The following ROCK1 variants were observed in gnomAD, a reference collection of about 807,000 sequenced individuals.
ROCK1 encodes the protein Rho associated coiled-coil containing protein kinase 1, also known as rho-associated protein kinase 1.
In ROCK1, 36 loss-of-function variants were observed where a neutral mutation model predicts 196.8. The observed-to-expected ratio is 0.18, with a 90% confidence interval of 0.14 to 0.24. The LOEUF is 0.24. ROCK1 is among the 10% of genes least tolerant of loss of function. The pLI is 1.00. For missense variants in ROCK1, 920 were observed against 1,562.0 expected (o/e 0.59, Z 6.93); for synonymous variants, 443 against 515.9 (o/e 0.86, Z 1.91).
chr18:21,036,163 T>C (rs2036055048), intron 9 of ROCK1, among the ~76,000 whole-genome samples: 1 of 152,254 alleles, frequency 6.6e-6, no homozygotes, highest in Admixed American at 6.5e-5. Context: ...TGAAACTTGC[T>C]AGGCCTTCAG....
chr18:20,986,807 C>T (rs2035582091), intron 19 of ROCK1, 143 bp downstream of exon 19: 2 of 681,084 alleles, frequency 2.9e-6, no homozygotes, highest in Non-Finnish European at 4.7e-6. Flanking sequence ...GCTGGGGTGA[C>T]CATACAGCAG....
At chr18:21,099,501 T>G (rs1481524875) in intron 1 of ROCK1, among the ~76,000 whole-genome samples, 1 of 152,068 alleles carries the variant, frequency 6.6e-6, no homozygotes, top group Admixed American at 6.6e-5. Flanking sequence ...CCCAACACTT[T>G]GGGGGGTTGT....
At chr18:20,992,981 A>C in intron 16 of ROCK1, 44 bp from the exon 17 acceptor site, 2 of 1,219,746 alleles carry the variant, frequency 1.6e-6, no homozygotes, top group Non-Finnish European at 2.4e-6. Flanking sequence ...CATTGAAAGA[A>C]GTCTTTTTGT....
Position 20,971,665 on chromosome 18 carries a change from AAAATAAATAAATAAATAAATAAAT to A in ROCK1, c.2655-1176_2655-1153del, listed in dbSNP as rs56208525. Among the ~76,000 whole-genome samples, 543 of 137,782 alleles carry A rather than the reference AAAATAAATAAATAAATAAATAAAT, an allele frequency of 3.9e-3. 5 individuals are homozygous for A. The highest frequency in any genetic ancestry group is 9.2e-3 in the South Asian group (37 of 4,026). 90.4% of individuals were successfully genotyped at this position (137,782 alleles called of 152,430 possible). ...GGTGACAGTGCAAGACTCCGTCTCA[AAAATAAATAAATAAATAAATAAAT>A]AAATAAATAAATAAATAAATAAATA... On this transcript the variant is annotated intron_variant, in intron 22 of 32. Transcript: ENST00000399799.
chr18:20,973,478 G>C (rs564717340), intron 22 of ROCK1, among the ~76,000 whole-genome samples: 2 of 151,304 alleles, frequency 1.3e-5, no homozygotes, highest in Non-Finnish European at 2.9e-5. Context: ...GGGTTTCACC[G>C]TGTTAGCCAG....
At chr18:21,025,535 G>A (rs1348431252) in intron 10 of ROCK1, among the ~76,000 whole-genome samples, 2 of 151,982 alleles carry the variant, frequency 1.3e-5, no homozygotes, top group East Asian at 1.9e-4. Flanking sequence ...GACCAGCCTG[G>A]CCAACAGCCT....
At chr18:21,080,778 G>A (rs1268322763) in intron 1 of ROCK1, among the ~76,000 whole-genome samples, 2 of 152,000 alleles carry the variant, frequency 1.3e-5, no homozygotes, top group Non-Finnish European at 2.9e-5. Context: ...TGATAAAAGA[G>A]TTAATTCACC....
intron 2 of ROCK1, among the ~76,000 whole-genome samples, chr18:21,053,897 C>T (rs2036225578): frequency 6.6e-6 from 1 of 152,122 alleles, no homozygotes; most frequent in Non-Finnish European, 1.5e-5. Context: ...TGCGTATGTA[C>T]TGGTAATAGA....
In ROCK1 at chr18:20,947,335, AGACT is replaced by A. The variant is rs1386122883; in HGVS notation, c.*4045_*4048del. 1 of 152,096 alleles carries A rather than the reference AGACT, an allele frequency of 6.6e-6. No homozygotes were observed. The highest frequency in any genetic ancestry group is 1.9e-4 in the East Asian group (1 of 5,192). 9.4% of individuals were successfully genotyped at this position (152,096 alleles called of 1,614,324 possible). ...GGGTGGGGTGGGGTTTAGGAAGTGC[AGACT>A]GACTTTCTACTAGAATATTCTTTGC... On this transcript the variant is annotated 3_prime_UTR_variant, in exon 33 of 33. Transcript: ENST00000399799.
At chr18:20,972,406 T>C (rs2035437783) in intron 22 of ROCK1, among the ~76,000 whole-genome samples, 1 of 152,102 alleles carries the variant, frequency 6.6e-6, no homozygotes, top group South Asian at 2.1e-4. Flanking sequence ...AGATGTCAAT[T>C]AGACAGCTGG....
chr18:21,072,319 A>C (rs2143553863), intron 1 of ROCK1, among the ~76,000 whole-genome samples: 1 of 152,280 alleles, frequency 6.6e-6, no homozygotes, highest in East Asian at 1.9e-4. Flanking sequence ...CCATAAGCAA[A>C]ACTTGTGTGC....
chr18:20,954,249 TTTTG>T (rs1379304657), intron 31 of ROCK1, among the ~76,000 whole-genome samples: 5 of 141,040 alleles, frequency 3.5e-5, no homozygotes, highest in African/African-American at 8.0e-5. Flanking sequence ...GTTTGTTTGT[TTTTG>T]TTTGTTTACA....
At position 21,108,634 on chromosome 18, in the gene ROCK1, CT is replaced by C. The variant is rs2143612416; in HGVS notation, c.93+2183del. On this transcript the variant is annotated intron_variant, in intron 1 of 32. Coordinates refer to ENST00000399799, the MANE Select transcript of ROCK1 (RefSeq NM_005406.3). ...AGAGTCATCTGACTATTGCCTCTCTCTTTGGTTCCCCATCTTTTCCCTGCCA... is the reference window on the plus strand; with the variant it reads ...AGAGTCATCTGACTATTGCCTCTCTCTTGGTTCCCCATCTTTTCCCTGCCA... Among the ~76,000 whole-genome samples the C allele has an allele frequency of 1.3e-5, 2 of 152,328 alleles. 1 individual carries two copies. Among genetic ancestry groups the C allele is most frequent in the South Asian group, 4.1e-4 (2 of 4,824 alleles).
chr18:21,099,258 A>T (rs1015164833), intron 1 of ROCK1, among the ~76,000 whole-genome samples: 18 of 152,160 alleles, frequency 1.2e-4, no homozygotes, highest in Non-Finnish European at 2.2e-4. Context: ...GAAAGTGATT[A>T]AAAAAGAATA....
At chr18:20,996,531 A>C (rs186168084) in intron 16 of ROCK1, among the ~76,000 whole-genome samples, 1 of 152,124 alleles carries the variant, frequency 6.6e-6, no homozygotes, top group Non-Finnish European at 1.5e-5. Context: ...AACTTCCCAA[A>C]TCTAGAAAAA....
intron 8 of ROCK1, among the ~76,000 whole-genome samples, chr18:21,041,270 T>TAAAAAA (rs780115669): frequency 9.5e-6 from 1 of 105,162 alleles, no homozygotes; most frequent in East Asian, 2.6e-4. Flanking sequence ...TGTCTCTATT[T>TAAAAAA]AAAAAAAAAA....
chr18:20,972,634 G>A (rs1327867422), intron 22 of ROCK1, among the ~76,000 whole-genome samples: 1 of 152,184 alleles, frequency 6.6e-6, no homozygotes, highest in African/African-American at 2.4e-5. Flanking sequence ...GCCAAATGAA[G>A]ACATTTTCTC....
At position 21,042,331 on chromosome 18, in the gene ROCK1, AT is replaced by A. The variant is rs1372876517; in HGVS notation, c.821-97del. 2.1e-5 allele frequency: 25 copies of A among 1,168,070 alleles called. No homozygotes were observed. The African/African-American group carries it at 3.9e-4, about 18-fold the overall frequency. The allele number at this position is 1,168,070 out of a possible 1,614,324, so 72.4% of individuals were successfully genotyped here. ...TCAAAGTTACCCGTTTAAAAAGATT[AT>A]TAGGTATGTATTAAACTAAAAACAT... On this transcript the variant is annotated intron_variant, in intron 7 of 32. Coordinates refer to ENST00000399799, the MANE Select transcript of ROCK1 (RefSeq NM_005406.3).
chr18:20,986,043 G>A (rs1230483257), intron 19 of ROCK1, among the ~76,000 whole-genome samples: 1 of 151,974 alleles, frequency 6.6e-6, no homozygotes, highest in African/African-American at 2.4e-5. Context: ...ATTTGAGATG[G>A]GGTTTCACCA....
Sources: allele counts gnomAD v4.1 joint callset (sites outside exome capture counted in the v4.1 genomes callset), GRCh38; gene constraint gnomAD v4.1.1; transcripts MANE v1.5; gene names NCBI Gene and HGNC (gene_info 2026-07-23, HGNC 2026-07-21).